The following CRIM1 variants were observed in gnomAD, a reference collection of about 807,000 sequenced individuals.
CRIM1 encodes the protein cysteine-rich motor neuron 1 protein.
Under a neutral mutation model 116.4 loss-of-function variants are expected in CRIM1, and 32 were observed. That is an observed-to-expected ratio of 0.27 (90% CI 0.21 to 0.37). CRIM1 has a LOEUF of 0.37. Ranked by LOEUF, CRIM1 falls within the 10% of genes least tolerant of loss-of-function variation. CRIM1 has a pLI of 1.00. For missense variants in CRIM1, 1,331 were observed against 1,354.8 expected (o/e 0.98, Z 0.28); for synonymous variants, 590 against 509.2 (o/e 1.16, Z -2.13).
intron 8 of CRIM1, among the ~76,000 whole-genome samples, chr2:36,502,914 T>C (rs535028007): frequency 1.3e-4 from 20 of 152,332 alleles, no homozygotes; most frequent in African/African-American, 3.8e-4. Context: ...TCTAATAATA[T>C]ATCCATCTTA....
intron 7 of CRIM1, among the ~76,000 whole-genome samples, chr2:36,492,323 A>G (rs930751957): frequency 2.0e-5 from 3 of 152,210 alleles, no homozygotes; most frequent in Admixed American, 1.3e-4. Context: ...ACAAAGGGAA[A>G]AAGGATAACC....
intron 1 of CRIM1, among the ~76,000 whole-genome samples, chr2:36,367,902 T>C (rs1050276313): frequency 6.6e-6 from 1 of 152,206 alleles, no homozygotes; most frequent in Non-Finnish European, 1.5e-5. Flanking sequence ...TTCTCCATTT[T>C]CTTATGTACT....
chr2:36,436,292 T>C (rs1454036464), intron 2 of CRIM1, among the ~76,000 whole-genome samples: 1 of 152,152 alleles, frequency 6.6e-6, no homozygotes, highest in Non-Finnish European at 1.5e-5. Context: ...CAGAGGAAGA[T>C]GCAGGGTGAG....
At chr2:36,537,288 C>G in intron 13 of CRIM1, 64 bp from the exon 14 acceptor site, 1 of 1,436,878 alleles carries the variant, frequency 7.0e-7, no homozygotes, top group South Asian at 1.2e-5. Flanking sequence ...TGATCTCTCA[C>G]GTCTAATAAG....
At chr2:36,427,511 A>G (rs1156800830) in intron 2 of CRIM1, among the ~76,000 whole-genome samples, 3 of 152,190 alleles carry the variant, frequency 2.0e-5, no homozygotes, top group Non-Finnish European at 4.4e-5. Context: ...GGGAGCCGTA[A>G]CAAGCCAAGG....
chr2:36,470,325 G>A (rs1678398284), intron 5 of CRIM1, among the ~76,000 whole-genome samples: 2 of 152,324 alleles, frequency 1.3e-5, no homozygotes, highest in East Asian at 3.9e-4. Flanking sequence ...TATGAAAAGT[G>A]ATGAAGGTGG....
chr2:36,428,473 A>G (rs1674626798), intron 2 of CRIM1, among the ~76,000 whole-genome samples: 1 of 152,238 alleles, frequency 6.6e-6, no homozygotes, highest in African/African-American at 2.4e-5. Flanking sequence ...TTTATTGAAA[A>G]TTCTGAGCTA....
chr2:36,377,851 C>T (rs998606337), intron 1 of CRIM1, among the ~76,000 whole-genome samples: 10 of 152,060 alleles, frequency 6.6e-5, no homozygotes, highest in African/African-American at 2.2e-4. Flanking sequence ...ACATTTACTC[C>T]CTGGCTGCTG....
At chr2:36,509,962 G>GC in intron 8 of CRIM1, 21 bp from the exon 9 acceptor site, 1 of 1,608,748 alleles carries the variant, frequency 6.2e-7, no homozygotes, top group Non-Finnish European at 8.5e-7. Flanking sequence ...GAAGAAACAT[G>GC]CCGTCTCTGT....
At chr2:36,525,437 C>T (rs1172376795) in intron 13 of CRIM1, among the ~76,000 whole-genome samples, 3 of 152,200 alleles carry the variant, frequency 2.0e-5, no homozygotes, top group Non-Finnish European at 4.4e-5. Context: ...CACAAGCACA[C>T]CCAAAGGCAG....
intron 7 of CRIM1, among the ~76,000 whole-genome samples, chr2:36,488,020 T>C (rs1351884766): frequency 2.6e-5 from 4 of 152,208 alleles, no homozygotes; most frequent in East Asian, 1.9e-4. Context: ...ATTTTAGTTA[T>C]CCAATTCCAC....
chr2:36,371,733 C>G (rs1389885362), intron 1 of CRIM1, among the ~76,000 whole-genome samples: 5 of 152,148 alleles, frequency 3.3e-5, no homozygotes, highest in Non-Finnish European at 5.9e-5. Flanking sequence ...ATAAAGGTGT[C>G]ATCTTTCATT....
intron 5 of CRIM1, among the ~76,000 whole-genome samples, chr2:36,470,514 A>G (rs1678415557): frequency 6.6e-6 from 1 of 152,214 alleles, no homozygotes. Context: ...GCTGTTAAGA[A>G]TTATGCTAAA....
chr2:36,395,682 T>G (rs995456299), intron 1 of CRIM1, among the ~76,000 whole-genome samples: 2 of 152,192 alleles, frequency 1.3e-5, no homozygotes, highest in Admixed American at 6.5e-5. Flanking sequence ...AGAACCTGAT[T>G]TGGTCTCAGC....
chr2:36,357,742 C>T (rs1389019672), intron 1 of CRIM1, among the ~76,000 whole-genome samples: 1 of 152,122 alleles, frequency 6.6e-6, no homozygotes, highest in Non-Finnish European at 1.5e-5. Flanking sequence ...GCAGCAGCCT[C>T]GTTTCTGGGG....
rs56084308 is a variant in CRIM1, at chr2:36,474,847, C to CAAAAAAAAAAAAAAAAAAAA, written c.992-2023_992-2022insAAAAAAAAAAAAAAAAAAAA. On this transcript the variant is annotated intron_variant, in intron 5 of 16. Coordinates refer to ENST00000280527, the MANE Select transcript of CRIM1 (RefSeq NM_016441.3). The stretch of plus-strand genomic sequence containing the variant: ...TGGGTGACAGAGTGAGACTCTATAT[C>CAAAAAAAAAAAAAAAAAAAA]AAAAAAAAAAAAAAAAAAAGACTTT... Among the ~76,000 whole-genome samples the CAAAAAAAAAAAAAAAAAAAA allele has an allele frequency of 4.8e-4, 44 of 90,730 alleles. 1 individual carries two copies. Among genetic ancestry groups the CAAAAAAAAAAAAAAAAAAAA allele is most frequent in the African/African-American group, 1.9e-3 (42 of 22,622 alleles). 59.5% of individuals were successfully genotyped at this position (90,730 alleles called of 152,430 possible).
intron 13 of CRIM1, among the ~76,000 whole-genome samples, chr2:36,528,291 T>C (rs973974764): frequency 4.6e-5 from 7 of 152,196 alleles, no homozygotes; most frequent in African/African-American, 1.4e-4. Context: ...TCTTAGATAA[T>C]GCTTTGGCAG....
intron 13 of CRIM1, among the ~76,000 whole-genome samples, chr2:36,534,632 A>G (rs1476075070): frequency 6.7e-6 from 1 of 149,052 alleles, no homozygotes; most frequent in Non-Finnish European, 1.5e-5. Context: ...AGGAAAATAC[A>G]GACAGGAAGG....
chr2:36,504,904 C>T (rs556207009), intron 8 of CRIM1, among the ~76,000 whole-genome samples: 1 of 152,186 alleles, frequency 6.6e-6, no homozygotes, highest in Non-Finnish European at 1.5e-5. Context: ...TGTAAGTTCT[C>T]TTCCAATTTT....
Sources: gnomAD v4.1 joint callset for allele counts (sites outside exome capture counted in the v4.1 genomes callset) on GRCh38, gnomAD v4.1.1 for gene constraint, MANE v1.5 for transcripts, NCBI Gene and HGNC (gene_info 2026-07-23, HGNC 2026-07-21) for gene names.